Variants in DRC8 observed in about 807,000 individuals in gnomAD.
DRC8 encodes dynein regulatory complex protein 8.
chr1:245,106,971 GA>G, the DRC8 span, among the ~76,000 whole-genome samples: 1 of 152,238 alleles, frequency 6.6e-6, no homozygotes, highest in Non-Finnish European at 1.5e-5. Context: ...TGGAACCCGG[GA>G]GGCGGAGGTT....
chr1:245,047,534 C>T, the DRC8 span, among the ~76,000 whole-genome samples: 2 of 148,902 alleles, frequency 1.3e-5, no homozygotes, highest in Non-Finnish European at 3.0e-5. Flanking sequence ...ACTTAGGAGG[C>T]TGAGGCAGGA....
At chr1:245,092,041 CT>C in the DRC8 span, among the ~76,000 whole-genome samples, 1 of 152,188 alleles carries the variant, frequency 6.6e-6, no homozygotes, top group Non-Finnish European at 1.5e-5. Context: ...AGGTGCATGA[CT>C]CAGGACCCGA....
the DRC8 span, among the ~76,000 whole-genome samples, chr1:244,987,904 G>C: frequency 6.6e-6 from 1 of 152,082 alleles, no homozygotes; most frequent in African/African-American, 2.4e-5. Context: ...AAAAAACTCA[G>C]CTGCACTATT....
At chr1:245,045,742 TTAGTCTGACTGGTTGTGGA>T in the DRC8 span, among the ~76,000 whole-genome samples, 9 of 151,152 alleles carry the variant, frequency 6.0e-5, no homozygotes, top group South Asian at 2.1e-4. Flanking sequence ...TGGCAGGCCA[TTAGTCTGACTGGTTGTGGA>T]CAGCAGCCAT....
the DRC8 span, chr1:245,087,837 T>A: frequency 1.3e-6 from 1 of 755,182 alleles, no homozygotes; most frequent in Non-Finnish European, 1.6e-6. Context: ...TATTACTAAT[T>A]TATTTTTTTA....
the DRC8 span, among the ~76,000 whole-genome samples, chr1:245,041,129 C>T: frequency 6.6e-6 from 1 of 152,086 alleles, no homozygotes; most frequent in Non-Finnish European, 1.5e-5. Context: ...GAGATAAGAA[C>T]TTTAAGATTA....
the DRC8 span, among the ~76,000 whole-genome samples, chr1:245,117,979 T>C: frequency 1.3e-5 from 2 of 151,816 alleles, no homozygotes; most frequent in Non-Finnish European, 2.9e-5. Flanking sequence ...AATAAATAAA[T>C]AAATACGCTT....
chr1:245,036,656 C>T, the DRC8 span, among the ~76,000 whole-genome samples: 1 of 152,122 alleles, frequency 6.6e-6, no homozygotes, highest in Non-Finnish European at 1.5e-5. Context: ...TATTGTTCAG[C>T]TATAAAAGGA....
the DRC8 span, among the ~76,000 whole-genome samples, chr1:244,993,481 C>G: frequency 1.3e-5 from 2 of 152,176 alleles, no homozygotes; most frequent in Admixed American, 6.6e-5. Context: ...AGTGGTTTCT[C>G]TTGATCTATA....
chr1:245,034,666 C>T, the DRC8 span, among the ~76,000 whole-genome samples: 1 of 119,298 alleles, frequency 8.4e-6, no homozygotes, highest in Non-Finnish European at 1.8e-5. Flanking sequence ...CTATGAGATA[C>T]AACCAAATTA....
chr1:245,025,612 C>T, the DRC8 span, among the ~76,000 whole-genome samples: 1 of 152,268 alleles, frequency 6.6e-6, no homozygotes, highest in South Asian at 2.1e-4. Flanking sequence ...ACCCATCTGT[C>T]CTGTTCCTAT....
At chr1:245,053,185 G>C in the DRC8 span, among the ~76,000 whole-genome samples, 1 of 152,100 alleles carries the variant, frequency 6.6e-6, no homozygotes, top group African/African-American at 2.4e-5. Context: ...GCAAGTCTTT[G>C]AATAATGTTG....
At chr1:245,105,572 A>G in the DRC8 span, among the ~76,000 whole-genome samples, 1 of 145,718 alleles carries the variant, frequency 6.9e-6, no homozygotes, top group South Asian at 2.2e-4. Flanking sequence ...GCAGTGAGCC[A>G]TGATCACACC....
the DRC8 span, among the ~76,000 whole-genome samples, chr1:245,105,096 A>G: frequency 2.0e-5 from 3 of 152,188 alleles, no homozygotes; most frequent in African/African-American, 7.2e-5. Context: ...TTTTATATCT[A>G]GAGGCTCGAT....
At chr1:245,036,931 A>G in the DRC8 span, among the ~76,000 whole-genome samples, 1 of 152,212 alleles carries the variant, frequency 6.6e-6, no homozygotes, top group African/African-American at 2.4e-5. Flanking sequence ...AACCTTGTGA[A>G]TATACTAAAG....
the DRC8 span, among the ~76,000 whole-genome samples, chr1:245,012,921 G>A: frequency 6.6e-6 from 1 of 152,134 alleles, no homozygotes; most frequent in South Asian, 2.1e-4. Flanking sequence ...TAAATAAAAT[G>A]CTATGGTAAT....
At chr1:245,039,090 C>T in the DRC8 span, among the ~76,000 whole-genome samples, 1 of 144,436 alleles carries the variant, frequency 6.9e-6, no homozygotes, top group African/African-American at 2.6e-5. Flanking sequence ...TCAGTGCACC[C>T]CCTTATTTAC....
chr1:244,981,773 C>T, the DRC8 span, among the ~76,000 whole-genome samples: 2 of 152,120 alleles, frequency 1.3e-5, no homozygotes, highest in South Asian at 2.1e-4. Context: ...AGGAACCCCA[C>T]GGGGTTATTC....
the DRC8 span, among the ~76,000 whole-genome samples, chr1:245,012,295 C>G: frequency 6.6e-6 from 1 of 151,670 alleles, no homozygotes; most frequent in Admixed American, 6.6e-5. Context: ...CAGCATTATA[C>G]TTATTGGTAA....
Sources: allele counts gnomAD v4.1 joint callset (sites outside exome capture counted in the v4.1 genomes callset), GRCh38; gene constraint gnomAD v4.1.1; transcripts MANE v1.5; gene names NCBI Gene and HGNC (gene_info 2026-07-23, HGNC 2026-07-21).